SEPTIN9: variants seen among roughly 807,000 people sequenced by gnomAD.
The protein encoded by SEPTIN9 is septin-9.
SEPTIN9 carries 13 observed loss-of-function variants against 56.6 expected under a neutral mutation model. That is an observed-to-expected ratio of 0.23 (90% CI 0.15 to 0.37). The LOEUF is 0.37. Among genes scored for constraint, SEPTIN9 ranks in the 10% least tolerant of loss-of-function variants. The pLI is 1.00. For missense variants in SEPTIN9, 650 were observed against 823.1 expected, an observed-to-expected ratio of 0.79 and a Z score of 2.57; for synonymous variants, 332 against 334.1, an observed-to-expected ratio of 0.99 and a Z score of 0.07.
chr17:77,384,781 T>C (rs1000462594), intron 2 of SEPTIN9, among the ~76,000 whole-genome samples: 1 of 151,366 alleles, frequency 6.6e-6, no homozygotes, highest in African/African-American at 2.4e-5. Context: ...TGTAGGGACC[T>C]CAGCCACATG....
In SEPTIN9 at chr17:77,497,391, G is replaced by A. The variant is rs764576125; in HGVS notation, c.1625+25G>A. ...GGTGAGAGACAGGGTGCTTGGGTGGGGCTGACGGCTTCACCCCTAAGAGGG... is the reference window on the plus strand; with the variant it reads ...GGTGAGAGACAGGGTGCTTGGGTGGAGCTGACGGCTTCACCCCTAAGAGGG... On this transcript the variant is annotated intron_variant, in intron 11 of 11. Coordinates refer to ENST00000427177, the MANE Select transcript of SEPTIN9 (RefSeq NM_001113491.2). 2.5e-6 allele frequency: 4 copies of A among 1,608,402 alleles called. No homozygotes were observed. In the East Asian group the frequency reaches 6.7e-5, roughly 27 times the overall value.
chr17:77,392,645 A>C (rs1383174902), intron 2 of SEPTIN9, among the ~76,000 whole-genome samples: 1 of 150,120 alleles, frequency 6.7e-6, no homozygotes, highest in Non-Finnish European at 1.5e-5. Flanking sequence ...GCAGAGGGGG[A>C]GGGGACTGGG....
chr17:77,395,700 G>A (rs1055280123), intron 2 of SEPTIN9, among the ~76,000 whole-genome samples: 10 of 152,166 alleles, frequency 6.6e-5, no homozygotes, highest in African/African-American at 1.9e-4. Context: ...GTGTGTGTGC[G>A]TGCAAACTGC....
chr17:77,393,230 C>T (rs914442284), intron 2 of SEPTIN9, among the ~76,000 whole-genome samples: 2 of 152,204 alleles, frequency 1.3e-5, no homozygotes, highest in African/African-American at 4.8e-5. Flanking sequence ...CCATACCGGG[C>T]AGCATGGGGA....
At chr17:77,300,102 C>CT (rs2031971902) in intron 1 of SEPTIN9, among the ~76,000 whole-genome samples, 2 of 152,112 alleles carry the variant, frequency 1.3e-5, no homozygotes. Context: ...GGGTGCTGTT[C>CT]TTTTTTTGTT....
At chr17:77,420,580 G>C (rs1232326160) in intron 3 of SEPTIN9, among the ~76,000 whole-genome samples, 2 of 152,150 alleles carry the variant, frequency 1.3e-5, no homozygotes, top group South Asian at 2.1e-4. Flanking sequence ...GGGAGAGCCT[G>C]AGCTGTCCTC....
chr17:77,288,799 G>A (rs1015378370), intron 1 of SEPTIN9, among the ~76,000 whole-genome samples: 2 of 152,194 alleles, frequency 1.3e-5, no homozygotes, highest in African/African-American at 2.4e-5. Flanking sequence ...CAGAGGTGTC[G>A]GGCTGTCGGG....
intron 2 of SEPTIN9, among the ~76,000 whole-genome samples, chr17:77,399,818 G>C (rs746449766): frequency 5.9e-5 from 9 of 152,136 alleles, no homozygotes; most frequent in Non-Finnish European, 1.0e-4. Flanking sequence ...GAGGGACAGA[G>C]GGACACCATG....
chr17:77,463,907 A>T (rs2144516326), intron 3 of SEPTIN9, among the ~76,000 whole-genome samples: 1 of 152,246 alleles, frequency 6.6e-6, no homozygotes, highest in Non-Finnish European at 1.5e-5. Context: ...AAAATGTCAA[A>T]TCCTAGAGAA....
rs112172010 is a variant in SEPTIN9, at chr17:77,415,369, A to G, written c.721+12666A>G. Reference sequence around the variant, plus strand: ...CACCTGTAATCCCAGCACTTTGGGAAGTTGAGGCAGGCAGATCACCTGAGG... The same window carrying G: ...CACCTGTAATCCCAGCACTTTGGGAGGTTGAGGCAGGCAGATCACCTGAGG... On this transcript the variant is annotated intron_variant, in intron 3 of 11. Coordinates refer to ENST00000427177, the MANE Select transcript of SEPTIN9 (RefSeq NM_001113491.2). Among the ~76,000 whole-genome samples, 2,087 of 151,962 alleles carry G rather than the reference A, an allele frequency of 0.014. 100 individuals carry two copies. In the East Asian group the frequency reaches 0.16, roughly 12 times the overall value.
rs1005250157 is a variant in SEPTIN9, at chr17:77,353,074, G to A, written c.76+45877G>A. Among the ~76,000 whole-genome samples the A allele has an allele frequency of 9.9e-5, 15 of 152,210 alleles. No homozygotes were observed. In the South Asian group the frequency reaches 1.0e-3, roughly 10 times the overall value. ...ATATAAAGTCACATTCATAGGTACTGGGGGGTCAGGACTTGCATATGTCTT... is the reference window on the plus strand; with the variant it reads ...ATATAAAGTCACATTCATAGGTACTAGGGGGTCAGGACTTGCATATGTCTT... On this transcript the variant is annotated intron_variant, in intron 2 of 11. Transcript: ENST00000427177.
At position 77,319,764 on chromosome 17, in the gene SEPTIN9, GA is replaced by G; in HGVS notation, c.76+12571del. Reference sequence around the variant, plus strand: ...GGAAATCGTAGCATCGCGGGACAGGGAAAATGAAAGACTTTGGAAGTCGTCA... The same window carrying G: ...GGAAATCGTAGCATCGCGGGACAGGGAAATGAAAGACTTTGGAAGTCGTCA... On this transcript the variant is annotated intron_variant, in intron 2 of 11. Coordinates refer to ENST00000427177, the MANE Select transcript of SEPTIN9 (RefSeq NM_001113491.2). This position sits in a 1 kb window ranked among gnomAD's most constrained non-coding sequence, Gnocchi z 5.3. The G allele has an allele frequency of 9.3e-7, 1 of 1,072,460 alleles. No homozygotes were observed. Among genetic ancestry groups the G allele is most frequent in the Non-Finnish European group, 1.1e-6 (1 of 882,916 alleles). The allele number at this position is 1,072,460 out of a possible 1,614,324, so 66.4% of individuals were successfully genotyped here.
intron 4 of SEPTIN9, chr17:77,483,541 A>G (rs1326040167): frequency 6.5e-6 from 1 of 152,720 alleles, no homozygotes; most frequent in African/African-American, 2.4e-5. Context: ...GAGAGGCCCA[A>G]AGGCAGTGGC....
intron 3 of SEPTIN9, among the ~76,000 whole-genome samples, chr17:77,422,378 C>A (rs1034255265): frequency 1.8e-4 from 28 of 152,242 alleles, no homozygotes; most frequent in African/African-American, 6.3e-4. Flanking sequence ...GTAGCAGTGG[C>A]TGGTGTGGCT....
At chr17:77,368,269 A>G (rs1178591979) in intron 2 of SEPTIN9, among the ~76,000 whole-genome samples, 1 of 152,100 alleles carries the variant, frequency 6.6e-6, no homozygotes, top group Non-Finnish European at 1.5e-5. Context: ...TAATGTCACT[A>G]ACATGGAAAC....
rs1312050274 is a variant in SEPTIN9, at chr17:77,317,106, T to G, written c.76+9909T>G. 2.6e-5 allele frequency among the ~76,000 whole-genome samples: 4 copies of G among 152,246 alleles called. No individual in the cohort carries two copies. The highest frequency in any genetic ancestry group is 9.6e-5 in the African/African-American group (4 of 41,470). On this transcript the variant is annotated intron_variant, in intron 2 of 11. Coordinates refer to ENST00000427177, the MANE Select transcript of SEPTIN9 (RefSeq NM_001113491.2). The surrounding 1 kb of genome is among the most constrained non-coding windows in gnomAD (Gnocchi z 4.2). The stretch of plus-strand genomic sequence containing the variant: ...ATAACAGAAAGCAACTCCAGTGAGC[T>G]GAGCCCTGGCTCCGTCTGTGGCGCT...
chr17:77,308,689 ACCCAAAG>A (rs2032364424), intron 2 of SEPTIN9, among the ~76,000 whole-genome samples: 1 of 152,230 alleles, frequency 6.6e-6, no homozygotes, highest in African/African-American at 2.4e-5. Flanking sequence ...AGAATTCTAG[ACCCAAAG>A]CCTGCTTCTG....
rs1568042776 is a variant in SEPTIN9, at chr17:77,405,087, C to T, written c.721+2384C>T. Reference sequence around the variant, plus strand: ...GGTTGTCACCGAGCCATCTAAATCTCGGTGATGGCTGGTGCTGGATGCACA... The same window carrying T: ...GGTTGTCACCGAGCCATCTAAATCTTGGTGATGGCTGGTGCTGGATGCACA... On this transcript the variant is annotated intron_variant, in intron 3 of 11. Coordinates refer to ENST00000427177, the MANE Select transcript of SEPTIN9 (RefSeq NM_001113491.2). This position sits in a 1 kb window ranked among gnomAD's most constrained non-coding sequence, Gnocchi z 5.8. 9.8e-6 allele frequency: 15 copies of T among 1,535,194 alleles called. No homozygotes were observed. The highest frequency in any genetic ancestry group is 4.1e-5 in the African/African-American group (3 of 72,994).
intron 2 of SEPTIN9, chr17:77,320,091 GAC>G (rs1232717237): frequency 2.8e-6 from 4 of 1,438,860 alleles, no homozygotes; most frequent in East Asian, 2.5e-5. Context: ...GTTTTGAAGA[GAC>G]AATGCTACTT....
Sources: allele counts gnomAD v4.1 joint callset (sites outside exome capture counted in the v4.1 genomes callset), GRCh38; gene constraint gnomAD v4.1.1; non-coding constraint Gnocchi (gnomAD v3.1); transcripts MANE v1.5; gene names NCBI Gene and HGNC (gene_info 2026-07-23, HGNC 2026-07-21).